The following GIPC2 variants were observed in gnomAD, a reference collection of about 807,000 sequenced individuals.
GIPC2 encodes GIPC PDZ domain containing family member 2, also known as PDZ domain-containing protein GIPC2.
Under a neutral mutation model 30.6 loss-of-function variants are expected in GIPC2, and 30 were observed. The ratio of observed to expected loss-of-function variants is 0.98; its 90% CI spans 0.73 to 1.33. The LOEUF is 1.33. Ranked by LOEUF, GIPC2 falls within the 40% of genes most tolerant of loss-of-function variation. The pLI is 0.00. For missense variants in GIPC2, 414 were observed against 390.3 expected, an observed-to-expected ratio of 1.06 and a Z score of -0.51; for synonymous variants, 167 against 150.0, an observed-to-expected ratio of 1.11 and a Z score of -0.83.
chr1:78,130,606 T>C (rs146908101), intron 5 of GIPC2, among the ~76,000 whole-genome samples: 4 of 152,322 alleles, frequency 2.6e-5, no homozygotes, highest in African/African-American at 9.6e-5. Flanking sequence ...AGACCTTCCA[T>C]AGAATGAGAC....
chr1:78,050,139 G>A (rs564848040), intron 1 of GIPC2, among the ~76,000 whole-genome samples: 1 of 151,776 alleles, frequency 6.6e-6, no homozygotes, highest in Non-Finnish European at 1.5e-5. Context: ...CAGGTGATCC[G>A]CCCACCTCGG....
intron 2 of GIPC2, among the ~76,000 whole-genome samples, chr1:78,090,109 T>C (rs1333610961): frequency 6.6e-6 from 1 of 152,202 alleles, no homozygotes; most frequent in African/African-American, 2.4e-5. Flanking sequence ...AGGGTACACA[T>C]CACCCTGGAG....
chr1:78,082,158 A>G (rs1661843176), intron 2 of GIPC2, among the ~76,000 whole-genome samples: 1 of 152,186 alleles, frequency 6.6e-6, no homozygotes, highest in Admixed American at 6.5e-5. Flanking sequence ...AGATGTGGAA[A>G]CAGGCTCAGG....
chr1:78,066,370 A>G (rs610501), intron 1 of GIPC2, among the ~76,000 whole-genome samples: 34,348 of 152,224 alleles, frequency 0.23, 4,206 homozygotes, highest in East Asian at 0.49. Context: ...TTATTATTAA[A>G]AAGTCAAAAA....
At chr1:78,118,583 C>T (rs1290790549) in intron 3 of GIPC2, among the ~76,000 whole-genome samples, 1 of 152,188 alleles carries the variant, frequency 6.6e-6, no homozygotes, top group Non-Finnish European at 1.5e-5. Flanking sequence ...AGTAGTGGCT[C>T]CCTGTGAACT....
intron 5 of GIPC2, among the ~76,000 whole-genome samples, chr1:78,130,121 T>TTCC (rs369892829): frequency 6.1e-5 from 9 of 146,822 alleles, no homozygotes; most frequent in Middle Eastern, 3.7e-3. Context: ...TTTTTTTTTT[T>TTCC]CAGACAGAGT....
chr1:78,133,986 T>C (rs907142940), intron 5 of GIPC2, among the ~76,000 whole-genome samples: 8 of 152,208 alleles, frequency 5.3e-5, no homozygotes, highest in Admixed American at 5.2e-4. Flanking sequence ...ATAGTCTTGG[T>C]TCATATTGCA....
chr1:78,079,752 A>T (rs895330615), intron 1 of GIPC2, among the ~76,000 whole-genome samples: 2 of 152,176 alleles, frequency 1.3e-5, no homozygotes, highest in Non-Finnish European at 2.9e-5. Flanking sequence ...CTCTTCTTCT[A>T]TAATTTGGGC....
rs754982261 is a variant in GIPC2, at chr1:78,130,562, A to G, written c.796+4600A>G. 3.5e-4 allele frequency among the ~76,000 whole-genome samples: 54 copies of G among 152,324 alleles called. No individual in the cohort carries two copies. In the Middle Eastern group the frequency reaches 0.02, roughly 58 times the overall value. On this transcript the variant is annotated intron_variant, in intron 5 of 5. Transcript: ENST00000370759. ...TGTGAATTGTTTGAAAAGCATTGATATTTATAAAAAGTCTTAGGAAAAGTA... is the reference window on the plus strand; with the variant it reads ...TGTGAATTGTTTGAAAAGCATTGATGTTTATAAAAAGTCTTAGGAAAAGTA...
chr1:78,122,165 A>G (rs539367275), intron 4 of GIPC2, among the ~76,000 whole-genome samples: 3 of 152,294 alleles, frequency 2.0e-5, no homozygotes, highest in South Asian at 4.1e-4. Context: ...ATCTATTCCT[A>G]TTTTCATAGT....
chr1:78,062,492 G>GT (rs1661412292), intron 1 of GIPC2, among the ~76,000 whole-genome samples: 1 of 150,142 alleles, frequency 6.7e-6, no homozygotes, highest in Admixed American at 6.7e-5. Flanking sequence ...GAATTACTGT[G>GT]TTTTTTCTTT....
At chr1:78,081,321 C>A (rs1661824780) in intron 2 of GIPC2, among the ~76,000 whole-genome samples, 1 of 152,146 alleles carries the variant, frequency 6.6e-6, no homozygotes, top group African/African-American at 2.4e-5. Context: ...GTGGATTCAA[C>A]CAACCACAGA....
intron 1 of GIPC2, among the ~76,000 whole-genome samples, chr1:78,077,574 C>T (rs868617048): frequency 6.6e-6 from 1 of 152,268 alleles, no homozygotes; most frequent in African/African-American, 2.4e-5. Context: ...ATTTTCCTTA[C>T]GTTGTGTGAT....
chr1:78,099,300 G>A (rs1160894279), intron 3 of GIPC2, among the ~76,000 whole-genome samples: 4 of 151,972 alleles, frequency 2.6e-5, no homozygotes, highest in Non-Finnish European at 5.9e-5. Context: ...CATGTCTAGT[G>A]AGAAGAGATG....
In GIPC2 at chr1:78,085,793, T is replaced by C. The variant is rs559122368; in HGVS notation, c.426+4933T>C. ...TCTTCATCATTTCTAATTGTGTTTATTTAGATCTTCTCTCTTTTCTTCTTT... is the reference window on the plus strand; with the variant it reads ...TCTTCATCATTTCTAATTGTGTTTACTTAGATCTTCTCTCTTTTCTTCTTT... On this transcript the variant is annotated intron_variant, in intron 2 of 5. Transcript: ENST00000370759. Among the ~76,000 whole-genome samples, 37 of 152,110 alleles carry C rather than the reference T, an allele frequency of 2.4e-4. 1 individual carries two copies. The highest frequency in any genetic ancestry group is 3.7e-4 in the Non-Finnish European group (25 of 67,980).
At chr1:78,112,186 T>A (rs1662478231) in intron 3 of GIPC2, among the ~76,000 whole-genome samples, 1 of 152,194 alleles carries the variant, frequency 6.6e-6, no homozygotes. Flanking sequence ...CATTTCACAG[T>A]TTGGAACTGA....
At chr1:78,123,134 C>T (rs1478930632) in intron 4 of GIPC2, among the ~76,000 whole-genome samples, 1 of 151,884 alleles carries the variant, frequency 6.6e-6, no homozygotes, top group Admixed American at 6.6e-5. Context: ...GTGCTGGGCA[C>T]CTGTAATCCC....
chr1:78,095,577 C>T (rs370859525), intron 3 of GIPC2, among the ~76,000 whole-genome samples: 1 of 152,120 alleles, frequency 6.6e-6, no homozygotes, highest in Non-Finnish European at 1.5e-5. Context: ...TAAAGACCCC[C>T]TTCCCCAATA....
chr1:78,058,016 C>T (rs979020709), intron 1 of GIPC2, among the ~76,000 whole-genome samples: 1 of 152,190 alleles, frequency 6.6e-6, no homozygotes, highest in Non-Finnish European at 1.5e-5. Flanking sequence ...AAGAGGAAAA[C>T]ATAAGTATGT....
Sources: gnomAD v4.1 joint callset for allele counts (sites outside exome capture counted in the v4.1 genomes callset) on GRCh38, gnomAD v4.1.1 for gene constraint, MANE v1.5 for transcripts, NCBI Gene and HGNC (gene_info 2026-07-23, HGNC 2026-07-21) for gene names.